Variants in DPP6 observed in about 807,000 individuals in gnomAD.
DPP6 encodes A-type potassium channel modulatory protein DPP6.
Under a neutral mutation model 122.6 loss-of-function variants are expected in DPP6, and 69 were observed. That is an observed-to-expected ratio of 0.56 (90% CI 0.46 to 0.69). The LOEUF (loss-of-function observed/expected upper bound fraction) is 0.69. DPP6 is among the 30% of genes least tolerant of loss of function. DPP6 has a pLI of 0.00. For missense variants in DPP6, 928 were observed against 1,116.9 expected, an observed-to-expected ratio of 0.83 and a Z score of 2.41; for synonymous variants, 418 against 433.1, an observed-to-expected ratio of 0.97 and a Z score of 0.43.
intron 3 of DPP6, among the ~76,000 whole-genome samples, chr7:154,513,331 C>T (rs1437237889): frequency 6.6e-6 from 1 of 152,204 alleles, no homozygotes; most frequent in Non-Finnish European, 1.5e-5. Context: ...GGTAGTCACT[C>T]AAATGTAGCT....
intron 17 of DPP6, among the ~76,000 whole-genome samples, chr7:154,857,186 G>T (rs1802915876): frequency 6.6e-6 from 1 of 152,112 alleles, no homozygotes; most frequent in Non-Finnish European, 1.5e-5. Context: ...AAAAAAAAAT[G>T]ATTAAATGTG....
At position 154,794,070 on chromosome 7, in the gene DPP6, C is replaced by T. The variant is rs939090930; in HGVS notation, c.1137-9C>T. 4 of 1,612,132 alleles carry T rather than the reference C, an allele frequency of 2.5e-6. No homozygotes were observed. The highest frequency in any genetic ancestry group is 2.5e-6 in the Non-Finnish European group (3 of 1,178,894). On this transcript the variant is annotated splice_polypyrimidine_tract_variant and intron_variant, in intron 10 of 25. Transcript: ENST00000377770. ...GCCAAGCTGCTCATGCTGTGTTTGGCGTTTCCAGGGAGTACTACATCACCA... is the reference window on the plus strand; with the variant it reads ...GCCAAGCTGCTCATGCTGTGTTTGGTGTTTCCAGGGAGTACTACATCACCA...
chr7:154,331,262 T>C, intron 1 of DPP6, among the ~76,000 whole-genome samples: 1 of 152,234 alleles, frequency 6.6e-6, no homozygotes, highest in East Asian at 1.9e-4. Flanking sequence ...TTGGCAGTGT[T>C]CTCAGTACGC....
chr7:153,958,544 G>T (rs754271845), intron 1 of DPP6, among the ~76,000 whole-genome samples: 9 of 152,108 alleles, frequency 5.9e-5, no homozygotes, highest in South Asian at 4.2e-4. Context: ...AGCTACACTT[G>T]CAGGTCGAGC....
intron 1 of DPP6, among the ~76,000 whole-genome samples, chr7:154,110,295 C>T (rs1806479322): frequency 6.6e-6 from 1 of 152,106 alleles, no homozygotes; most frequent in South Asian, 2.1e-4. Context: ...TGCCTACCCT[C>T]TGATCAGTCT....
intron 1 of DPP6, among the ~76,000 whole-genome samples, chr7:153,973,165 A>G (rs1440479112): frequency 1.3e-5 from 2 of 152,106 alleles, no homozygotes; most frequent in Non-Finnish European, 2.9e-5. Flanking sequence ...CTACAATAAA[A>G]CGGATATGGT....
At position 154,406,468 on chromosome 7, in the gene DPP6, C is replaced by T. The variant is rs1034371195; in HGVS notation, c.244-39746C>T. 2.1e-4 allele frequency among the ~76,000 whole-genome samples: 30 copies of T among 140,370 alleles called. 1 individual carries two copies. The highest frequency in any genetic ancestry group is 3.5e-4 in the Admixed American group (5 of 14,324). The allele number at this position is 140,370 out of a possible 152,430, so 92.1% of individuals were successfully genotyped here. A position where few individuals can be genotyped will look rare whatever the true frequency, so the allele number is the denominator to read the frequency against. ...ACACACGCACACATGCACATGCACA[C>T]GCACACGCATACACACACACACATG... On this transcript the variant is annotated intron_variant, in intron 1 of 25. Coordinates refer to ENST00000377770, the MANE Select transcript of DPP6 (RefSeq NM_130797.4).
intron 3 of DPP6, among the ~76,000 whole-genome samples, chr7:154,526,519 G>A (rs1363954411): frequency 6.6e-6 from 1 of 152,192 alleles, no homozygotes; most frequent in Admixed American, 6.5e-5. Flanking sequence ...AACTTGAAAT[G>A]TGTCTAGTAT....
intron 1 of DPP6, among the ~76,000 whole-genome samples, chr7:154,071,333 C>G (rs1251585689): frequency 6.6e-6 from 1 of 152,174 alleles, no homozygotes; most frequent in Non-Finnish European, 1.5e-5. Context: ...AATATGGAAA[C>G]TAGCTTAGAT....
chr7:154,272,920 A>G (rs1442135572), intron 1 of DPP6, among the ~76,000 whole-genome samples: 1 of 152,138 alleles, frequency 6.6e-6, no homozygotes, highest in East Asian at 1.9e-4. Context: ...GCTCCTCACA[A>G]AAGTCTACTT....
chr7:154,738,834 AGCAGGAAGATGT>A (rs1228678774), intron 8 of DPP6, among the ~76,000 whole-genome samples: 1 of 152,264 alleles, frequency 6.6e-6, no homozygotes, highest in Non-Finnish European at 1.5e-5. Flanking sequence ...GAACAAGGCT[AGCAGGAAGATGT>A]GCTGGTGGGG....
chr7:154,476,808 A>G (rs2151354278), intron 3 of DPP6, among the ~76,000 whole-genome samples: 1 of 152,274 alleles, frequency 6.6e-6, no homozygotes, highest in East Asian at 1.9e-4. Flanking sequence ...TATTTAAGAA[A>G]ATGAGTGAGC....
At chr7:154,519,520 C>A (rs2129943231) in intron 3 of DPP6, among the ~76,000 whole-genome samples, 1 of 152,328 alleles carries the variant, frequency 6.6e-6, no homozygotes, top group South Asian at 2.1e-4. Context: ...CATAAATGGG[C>A]AAGTCGGAAG....
At chr7:153,897,184 A>G (rs540680042) in intron 1 of DPP6, among the ~76,000 whole-genome samples, 11 of 152,338 alleles carry the variant, frequency 7.2e-5, no homozygotes, top group African/African-American at 1.9e-4. Flanking sequence ...TTGAGAGAGT[A>G]TATAGTGGGG....
At position 154,760,206 on chromosome 7, in the gene DPP6, AT is replaced by A. The variant is rs1400057984; in HGVS notation, c.884-9206del. ...GTGCTGGCTTCAAGGCAGTAATTTT[AT>A]TTTTAAAGGAAAAGGATTCAGCAGG... On this transcript the variant is annotated intron_variant, in intron 8 of 25. Coordinates refer to ENST00000377770, the MANE Select transcript of DPP6 (RefSeq NM_130797.4). This position sits in a 1 kb window ranked among gnomAD's most constrained non-coding sequence, Gnocchi z 4.5. Among the ~76,000 whole-genome samples the A allele has an allele frequency of 6.6e-6, 1 of 152,194 alleles. No homozygotes were observed. Among genetic ancestry groups the A allele is most frequent in the African/African-American group, 2.4e-5 (1 of 41,456 alleles).
chr7:154,857,163 C>G (rs149819527), intron 17 of DPP6, among the ~76,000 whole-genome samples: 88 of 152,186 alleles, frequency 5.8e-4, no homozygotes, highest in African/African-American at 2.0e-3. Flanking sequence ...CTTAAGCTGC[C>G]ATTTTAACTT....
At chr7:154,441,701 G>T (rs1481217232) in intron 1 of DPP6, among the ~76,000 whole-genome samples, 2 of 152,154 alleles carry the variant, frequency 1.3e-5, no homozygotes, top group Non-Finnish European at 1.5e-5. Context: ...TAGCTGGGGA[G>T]AAAATTAAAG....
chr7:153,994,176 A>G (rs1241317049), intron 1 of DPP6, among the ~76,000 whole-genome samples: 1 of 151,568 alleles, frequency 6.6e-6, no homozygotes, highest in Non-Finnish European at 1.5e-5. Flanking sequence ...TCACCATACC[A>G]TCTGCCTTTC....
At chr7:154,447,079 G>A (rs1220296939) in intron 2 of DPP6, among the ~76,000 whole-genome samples, 1 of 152,176 alleles carries the variant, frequency 6.6e-6, no homozygotes, top group Non-Finnish European at 1.5e-5. Flanking sequence ...ACTGAGGCGG[G>A]TAGATCGCCT....
Sources: allele counts gnomAD v4.1 joint callset (sites outside exome capture counted in the v4.1 genomes callset), GRCh38; gene constraint gnomAD v4.1.1; non-coding constraint Gnocchi (gnomAD v3.1); transcripts MANE v1.5; gene names NCBI Gene and HGNC (gene_info 2026-07-23, HGNC 2026-07-21).